EXOC3L1: variants seen among roughly 807,000 people sequenced by gnomAD.
The protein encoded by EXOC3L1 is exocyst complex component 3 like 1.
A neutral mutation model predicts 83.6 loss-of-function variants in EXOC3L1; 79 were observed. That is an observed-to-expected ratio of 0.95 (90% CI 0.79 to 1.14). The LOEUF is 1.14. Among genes scored for constraint, EXOC3L1 ranks in the 50% most tolerant of loss-of-function variants. The pLI is 0.00. For missense variants in EXOC3L1, 945 were observed against 972.0 expected (o/e 0.97, Z 0.37); for synonymous variants, 433 against 451.2 (o/e 0.96, Z 0.51).
In EXOC3L1 at chr16:67,187,699, T is replaced by C. The variant is rs569848726; in HGVS notation, c.566A>G (p.Gln189Arg). The change falls in exon 5 of 14, where the codon CAG becomes CGG. Residue 189 changes from glutamine to arginine, a missense_variant. Gln to Arg is a conservative substitution (Grantham distance 43). Coordinates refer to ENST00000314586, the MANE Select transcript of EXOC3L1 (RefSeq NM_178516.4). ...PLGGLELPVF[Q>R]GLDLLFEALG... ...TGCCTCGAACAGAAGGTCCAGCCCCTGGAAGACTGGCAACTCCAGGCCCCC... is the reference window on the plus strand; with the variant it reads ...TGCCTCGAACAGAAGGTCCAGCCCCCGGAAGACTGGCAACTCCAGGCCCCC... The C allele has an allele frequency of 1.9e-6, 3 of 1,612,936 alleles. No homozygotes were observed. The highest frequency in any genetic ancestry group is 3.3e-5 in the Admixed American group (2 of 60,010).
In EXOC3L1 at chr16:67,186,851, C is replaced by T; in HGVS notation, c.1192G>A (p.Asp398Asn). The change falls in exon 7 of 14, where the codon GAT becomes AAT. Residue 398 changes from aspartate (D) to asparagine (N), a missense_variant. Asp to Asn is a conservative substitution (Grantham distance 23). Transcript: ENST00000314586. The part of the protein sequence containing the change: ...SVSQWLQNAL[D>N]GEVAEWGREH... ...CGGCCCCACTCAGCTACCTCCCCATCCAGTGCATTCTGCAGCCACTGAGAC... is the reference window on the plus strand; with the variant it reads ...CGGCCCCACTCAGCTACCTCCCCATTCAGTGCATTCTGCAGCCACTGAGAC... The T allele has an allele frequency of 6.2e-7, 1 of 1,613,628 alleles. No homozygotes were observed. The highest frequency in any genetic ancestry group is 1.3e-5 in the African/African-American group (1 of 75,052).
Position 67,187,754 on chromosome 16 carries a change from G to C in EXOC3L1, c.511C>G (p.Gln171Glu). The C allele has an allele frequency of 6.2e-7, 1 of 1,612,988 alleles. No individual in the cohort carries two copies. Among genetic ancestry groups the C allele is most frequent in the Non-Finnish European group, 8.5e-7 (1 of 1,179,980 alleles). ...GGTGCCCACGTATCCTCTCGCAGCTGCTCCAGCTCCCGAAGGCTCACATAT... is the reference window on the plus strand; with the variant it reads ...GGTGCCCACGTATCCTCTCGCAGCTCCTCCAGCTCCCGAAGGCTCACATAT... ...EAYVSLRELE[Q>E]LREDTWAPLG... is the part of the protein sequence containing the mutation. Residue 171 changes from glutamine (Q) to glutamate (E), a missense_variant, in exon 5 of 14, where the codon CAG becomes GAG. Gln to Glu is a conservative substitution (Grantham distance 29). Coordinates refer to ENST00000314586, the MANE Select transcript of EXOC3L1 (RefSeq NM_178516.4).
In EXOC3L1 at chr16:67,185,476, A is replaced by G. The variant is rs756423331; in HGVS notation, c.1511T>C (p.Val504Ala). 1.4e-5 allele frequency: 23 copies of G among 1,608,654 alleles called. No homozygotes were observed. In the South Asian group the frequency reaches 2.3e-4, roughly 16 times the overall value. ...HKSALSSSVS[V>A]LQLDGAPSGA... is the part of the protein sequence containing the mutation. ...TGAAGGCGCCCCGTCCAGCTGCAGG[A>G]CAGACACTGAGGAGCTGGACCAAGC... Residue 504 changes from valine (V) to alanine (A), a missense_variant, in exon 10 of 14, where the codon GTC (valine) becomes GCC (alanine). Physicochemically the swap from Val to Ala is moderately conservative, Grantham distance 64. Coordinates refer to ENST00000314586, the MANE Select transcript of EXOC3L1 (RefSeq NM_178516.4).
chr16:67,185,247 C>G lies in EXOC3L1; in HGVS notation c.1638G>C (p.Ala546=), dbSNP rs1277162648. 6.2e-7 allele frequency: 1 copy of G among 1,613,498 alleles called. No homozygotes were observed. Among genetic ancestry groups the G allele is most frequent in the Admixed American group, 1.7e-5 (1 of 60,008 alleles). ...ALQAELQPLF[A]DLPSRQWLSS... ...ACAGCCATTGGCGCGAGGGCAGATC[C>G]GCGAACAGGGGCTGGGGAAATGATC... The change falls in exon 11 of 14, where the codon GCG becomes GCC. Residue 546 remains alanine, a synonymous_variant. Coordinates refer to ENST00000314586, the MANE Select transcript of EXOC3L1 (RefSeq NM_178516.4).
chr16:67,187,595 C>T lies in EXOC3L1; in HGVS notation c.670G>A (p.Val224Met). ...REDPALLVAA[V>M]RVAEVETGRT... ...CCAGTCTCCACCTCCGCCACACGCA[C>T]AGCAGCCACCAACAGGGCTGGGTCC... Residue 224 changes from valine (V) to methionine (M), a missense_variant, in exon 5 of 14, where the codon GTG (valine) becomes ATG (methionine). Val to Met is a conservative substitution (Grantham distance 21). Coordinates refer to ENST00000314586, the MANE Select transcript of EXOC3L1 (RefSeq NM_178516.4). 6.2e-7 allele frequency: 1 copy of T among 1,607,406 alleles called. No homozygotes were observed. The highest frequency in any genetic ancestry group is 2.2e-5 in the East Asian group (1 of 44,840).
In EXOC3L1 at chr16:67,188,709, C is replaced by T. The variant is rs1207011324; in HGVS notation, c.427+12G>A. The T allele has an allele frequency of 1.9e-6, 3 of 1,606,004 alleles. No homozygotes were observed. The highest frequency in any genetic ancestry group is 4.5e-5 in the East Asian group (2 of 44,722). On this transcript the variant is annotated intron_variant, in intron 4 of 13. Transcript: ENST00000314586. ...TATTGGAGGCTGAGGCCCAGGGTCC[C>T]TGCATGCTCACCTGCCCGCAGCCGA...
Position 67,186,822 on chromosome 16 carries a change from C to G in EXOC3L1, c.1221G>C (p.Glu407Asp). 4 of 1,613,672 alleles carry G rather than the reference C, an allele frequency of 2.5e-6. No individual in the cohort carries two copies. Among genetic ancestry groups the G allele is most frequent in the Non-Finnish European group, 3.4e-6 (4 of 1,180,016 alleles). Residue 407 changes from glutamate to aspartate, a missense_variant, in exon 7 of 14, where the codon GAG becomes GAC. Transcript: ENST00000314586. Reference sequence around the variant, plus strand: ...CAGACGGGTCTGTGTTGGGCCCATGCTCCCGGCCCCACTCAGCTACCTCCC... The same window carrying G: ...CAGACGGGTCTGTGTTGGGCCCATGGTCCCGGCCCCACTCAGCTACCTCCC... Reference protein sequence around the residue: ...LDGEVAEWGREHGPNTDPSGS... With the variant: ...LDGEVAEWGRDHGPNTDPSGS...
Position 67,186,842 on chromosome 16 carries a change from C to T in EXOC3L1, c.1201G>A (p.Val401Ile). The T allele has an allele frequency of 6.2e-7, 1 of 1,613,596 alleles. No individual in the cohort carries two copies. The highest frequency in any genetic ancestry group is 8.5e-7 in the Non-Finnish European group (1 of 1,179,992). Residue 401 changes from valine to isoleucine, a missense_variant, in exon 7 of 14, where the codon GTA (valine) becomes ATA (isoleucine). By Grantham distance (29) the Val-to-Ile change is conservative. Transcript: ENST00000314586. ...QWLQNALDGE[V>I]AEWGREHGPN... The stretch of plus-strand genomic sequence containing the variant: ...CCATGCTCCCGGCCCCACTCAGCTA[C>T]CTCCCCATCCAGTGCATTCTGCAGC...
intron 8 of EXOC3L1, 61 bp from the exon 9 acceptor site, chr16:67,186,408 T>A: frequency 7.1e-7 from 1 of 1,411,520 alleles, no homozygotes; most frequent in Middle Eastern, 1.8e-4. Context: ...ACAGCCCCAG[T>A]CCCTGGTACT....
chr16:67,187,908 T>C, intron 4 of EXOC3L1, 71 bp from the exon 5 acceptor site: 1 of 1,496,738 alleles, frequency 6.7e-7, no homozygotes, highest in Non-Finnish European at 8.9e-7. Context: ...CAGCAGGGGA[T>C]ACTGAGGCCC....
In EXOC3L1 at chr16:67,188,972, A is replaced by G. The variant is rs199646855; in HGVS notation, c.208-32T>C. The stretch of plus-strand genomic sequence containing the variant: ...AAAGATGGAGCCATGAGGCTGGGCC[A>G]GCCCTGCAGCACAGTCCCAGCACCC... On this transcript the variant is annotated intron_variant, in intron 3 of 13. Transcript: ENST00000314586. The G allele has an allele frequency of 3.2e-5, 52 of 1,609,272 alleles. No homozygotes were observed. In the Admixed American group the frequency reaches 8.3e-4, roughly 26 times the overall value.
chr16:67,187,946 A>G (rs1189572371), intron 4 of EXOC3L1, 109 bp from the exon 5 acceptor site: 36 of 1,412,330 alleles, frequency 2.5e-5, no homozygotes, highest in Non-Finnish European at 2.8e-5. Context: ...TAAAATATTT[A>G]ACAACCAGTA....
Position 67,189,091 on chromosome 16 carries a change from G to T in EXOC3L1, c.136C>A (p.Gln46Lys). The part of the protein sequence containing the change: ...WASGIFYRPE[Q>K]LARLGQYRSR... ...CGGTACTGGCCTAGCCTGGCCAGCT[G>T]CTCCGGCCGGTAGAAGATGCCTGAG... is the stretch of plus-strand genomic sequence containing the variant. Residue 46 changes from glutamine (Q) to lysine (K), a missense_variant, in exon 3 of 14, where the codon CAG becomes AAG. Transcript: ENST00000314586. 1 of 1,608,084 alleles carries T rather than the reference G, an allele frequency of 6.2e-7. No homozygotes were observed.
At chr16:67,184,642 C>A in intron 13 of EXOC3L1, 38 bp from the exon 14 acceptor site, 1 of 1,581,830 alleles carries the variant, frequency 6.3e-7, no homozygotes, top group Non-Finnish European at 8.6e-7. Flanking sequence ...GCCCCGTCCT[C>A]CCCGCCCTCC....
chr16:67,187,018 C>G lies in EXOC3L1; in HGVS notation c.1158+3G>C. 6.2e-7 allele frequency: 1 copy of G among 1,613,666 alleles called. No individual in the cohort carries two copies. The highest frequency in any genetic ancestry group is 8.5e-7 in the Non-Finnish European group (1 of 1,180,000). ...TCTCTGGACCTGTGCCTCAACTACTCACCTGGATGTTGGCCACAAATGTTG... is the reference window on the plus strand; with the variant it reads ...TCTCTGGACCTGTGCCTCAACTACTGACCTGGATGTTGGCCACAAATGTTG... On this transcript the variant is annotated splice_donor_region_variant and intron_variant, in intron 6 of 13. Coordinates refer to ENST00000314586, the MANE Select transcript of EXOC3L1 (RefSeq NM_178516.4).
At position 67,185,153 on chromosome 16, in the gene EXOC3L1, G is replaced by A. The variant is rs773653756; in HGVS notation, c.1732C>T (p.Arg578Trp). ...CAACCCACCTGAACCGTGGGGTTCCGCACGCGCCAGAAGTCCCGGCAGAAG... is the reference window on the plus strand; with the variant it reads ...CAACCCACCTGAACCGTGGGGTTCCACACGCGCCAGAAGTCCCGGCAGAAG... ...GRFCRDFWRV[R>W]NPTVQLLLAE... The change falls in exon 11 of 14, where the codon CGG (arginine) becomes TGG (tryptophan). Residue 578 changes from arginine (R) to tryptophan (W), a missense_variant. By Grantham distance (101) the Arg-to-Trp change is moderately radical. Transcript: ENST00000314586. 6.2e-7 allele frequency: 1 copy of A among 1,613,278 alleles called. No individual in the cohort carries two copies. Among genetic ancestry groups the A allele is most frequent in the South Asian group, 1.1e-5 (1 of 91,088 alleles).
rs1309564505 is a variant in EXOC3L1 at position 67,187,244 on chromosome 16, C to A, written c.1021G>T (p.Ala341Ser). The change falls in exon 5 of 14, where the codon GCA (alanine) becomes TCA (serine). Residue 341 changes from alanine (A) to serine (S), a missense_variant. Coordinates refer to ENST00000314586, the MANE Select transcript of EXOC3L1 (RefSeq NM_178516.4). ...ACTGACCCCAGGTACACATGCAGTGCCCAGTGCAGCAAGGCGAAGGCATCC... is the reference window on the plus strand; with the variant it reads ...ACTGACCCCAGGTACACATGCAGTGACCAGTGCAGCAAGGCGAAGGCATCC... ...AADAFALLHW[A>S]LHVYLGQEMM... 6.2e-7 allele frequency: 1 copy of A among 1,611,920 alleles called. No homozygotes were observed. Among genetic ancestry groups the A allele is most frequent in the Non-Finnish European group, 8.5e-7 (1 of 1,179,078 alleles).
chr16:67,186,424 C>G, intron 8 of EXOC3L1, 77 bp from the exon 9 acceptor site: 5 of 1,400,918 alleles, frequency 3.6e-6, no homozygotes, highest in Non-Finnish European at 5.0e-6. Context: ...GTACTCCTGT[C>G]CCACCTCCAA....
Position 67,185,264 on chromosome 16 carries a change from G to GAAA in EXOC3L1, c.1627-9_1627-7dup. On this transcript the variant is annotated splice_region_variant and splice_polypyrimidine_tract_variant and intron_variant, in intron 10 of 13. Transcript: ENST00000314586. ...GGCAGATCCGCGAACAGGGGCTGGG[G>GAAA]AAATGATCCAGATCTGGCATTGCCG... 1 of 1,613,532 alleles carries GAAA rather than the reference G, an allele frequency of 6.2e-7. No homozygotes were observed. Among genetic ancestry groups the GAAA allele is most frequent in the Non-Finnish European group, 8.5e-7 (1 of 1,180,038 alleles).
Sources: gnomAD v4.1 joint callset for allele counts on GRCh38, gnomAD v4.1.1 for gene constraint, MANE v1.5 for transcripts, NCBI Gene and HGNC (gene_info 2026-07-23, HGNC 2026-07-21) for gene names.